Variants in UBE2K observed in about 807,000 individuals in gnomAD.
UBE2K encodes the protein ubiquitin conjugating enzyme E2 K.
UBE2K carries 6 observed loss-of-function variants against 30.0 expected under a neutral mutation model. The ratio of observed to expected loss-of-function variants is 0.20; its 90% CI spans 0.11 to 0.39. The LOEUF is 0.39. Among genes scored for constraint, UBE2K ranks in the 10% least tolerant of loss-of-function variants. The pLI, the probability that UBE2K is intolerant of heterozygous loss-of-function variation, is 1.00. For missense variants in UBE2K, 61 were observed against 241.6 expected (o/e 0.25, Z 4.96); for synonymous variants, 86 against 83.7 (o/e 1.03, Z -0.15).
intron 5 of UBE2K, among the ~76,000 whole-genome samples, chr4:39,777,187 A>T (rs915840442): frequency 6.6e-6 from 1 of 152,208 alleles, no homozygotes; most frequent in African/African-American, 2.4e-5. Flanking sequence ...AGGACTTTGC[A>T]TGTGGGGTTT....
At chr4:39,755,881 C>A in intron 4 of UBE2K, 142 bp downstream of exon 4, 3 of 562,196 alleles carry the variant, frequency 5.3e-6, no homozygotes, top group Non-Finnish European at 9.2e-6. Context: ...AAGTGCATAA[C>A]TGAAAATGCA....
chr4:39,774,800 C>T (rs1210029536), intron 4 of UBE2K, 34 bp from the exon 5 acceptor site: 6 of 1,386,840 alleles, frequency 4.3e-6, no homozygotes, highest in South Asian at 3.4e-5. Flanking sequence ...GCAGAGCCCT[C>T]TTAATTGGGA....
intron 1 of UBE2K, among the ~76,000 whole-genome samples, chr4:39,727,089 T>C (rs1046720625): frequency 1.3e-5 from 2 of 152,234 alleles, no homozygotes; most frequent in African/African-American, 4.8e-5. Context: ...CAGTACATGC[T>C]CAGGTTTCCT....
intron 1 of UBE2K, 59 bp from the exon 2 acceptor site, chr4:39,737,361 A>T: frequency 1.9e-6 from 2 of 1,040,312 alleles, no homozygotes; most frequent in Non-Finnish European, 2.8e-6. Flanking sequence ...TTTATAGGTA[A>T]TACTTTAGGC....
intron 2 of UBE2K, among the ~76,000 whole-genome samples, chr4:39,740,161 A>T (rs939629913): frequency 6.6e-6 from 1 of 151,976 alleles, no homozygotes; most frequent in African/African-American, 2.4e-5. Context: ...GTCAGACCTT[A>T]TAGTTATTCT....
At chr4:39,753,453 C>T (rs1439726580) in intron 3 of UBE2K, among the ~76,000 whole-genome samples, 2 of 152,048 alleles carry the variant, frequency 1.3e-5, no homozygotes, top group Non-Finnish European at 2.9e-5. Context: ...ACATTTTTGC[C>T]GTAATATTAA....
intron 4 of UBE2K, among the ~76,000 whole-genome samples, chr4:39,759,222 TA>T (rs1361717839): frequency 2.4e-4 from 36 of 152,188 alleles, no homozygotes; most frequent in Admixed American, 4.6e-4. Context: ...TTAATGCATC[TA>T]GGGGTGATGA....
chr4:39,704,890 T>TTTA (rs3069986), intron 1 of UBE2K, among the ~76,000 whole-genome samples: 1 of 143,246 alleles, frequency 7.0e-6, no homozygotes, highest in African/African-American at 2.5e-5. Context: ...TTTTTTTTTT[T>TTTA]AGACGGAGTC....
intron 1 of UBE2K, among the ~76,000 whole-genome samples, chr4:39,736,915 A>G (rs1202080030): frequency 6.6e-6 from 1 of 152,208 alleles, no homozygotes; most frequent in Non-Finnish European, 1.5e-5. Flanking sequence ...TGGATAGTGT[A>G]CTATTTCAGT....
intron 4 of UBE2K, chr4:39,770,979 G>T: frequency 6.2e-7 from 1 of 1,602,936 alleles, no homozygotes; most frequent in East Asian, 2.2e-5. Context: ...CTGGAGGGAG[G>T]AGGGACTTGT....
Position 39,698,192 on chromosome 4 carries a change from G to A in UBE2K, c.-136G>A, listed in dbSNP as rs750170073. On this transcript the variant is annotated 5_prime_UTR_variant, in exon 1 of 7. Transcript: ENST00000261427. ...CCACACTGAGGCGAGCGCGGCGGCCGGGGTGGTAGTGGCAGTGTTCGTGTG... is the reference window on the plus strand; with the variant it reads ...CCACACTGAGGCGAGCGCGGCGGCCAGGGTGGTAGTGGCAGTGTTCGTGTG... 1.7e-4 allele frequency: 146 copies of A among 853,164 alleles called. No homozygotes were observed. Among genetic ancestry groups the A allele is most frequent in the Non-Finnish European group, 2.5e-4 (127 of 515,460 alleles). The allele number at this position is 853,164 out of a possible 1,614,324, so 52.8% of individuals were successfully genotyped here.
intron 1 of UBE2K, among the ~76,000 whole-genome samples, chr4:39,699,572 G>T (rs567167283): frequency 6.6e-6 from 1 of 152,238 alleles, no homozygotes; most frequent in East Asian, 1.9e-4. Flanking sequence ...ATGCCAGATT[G>T]TCTTCCCCAC....
intron 2 of UBE2K, among the ~76,000 whole-genome samples, chr4:39,739,975 T>C (rs1037207773): frequency 1.3e-5 from 2 of 152,190 alleles, no homozygotes; most frequent in African/African-American, 4.8e-5. Flanking sequence ...TTTATGCTGT[T>C]TATCGAGTGC....
intron 1 of UBE2K, among the ~76,000 whole-genome samples, chr4:39,734,668 C>G (rs1720259400): frequency 6.6e-6 from 1 of 152,008 alleles, no homozygotes; most frequent in South Asian, 2.1e-4. Context: ...AAACTTTAGC[C>G]AGGCATGGTG....
At chr4:39,715,855 A>G (rs199963739) in intron 1 of UBE2K, among the ~76,000 whole-genome samples, 1 of 92,746 alleles carries the variant, frequency 1.1e-5, no homozygotes, top group Non-Finnish European at 2.2e-5. Flanking sequence ...TTTTTTATTT[A>G]TTTTTTTAAA....
chr4:39,730,185 CTT>C (rs1719990810), intron 1 of UBE2K, among the ~76,000 whole-genome samples: 1 of 151,986 alleles, frequency 6.6e-6, no homozygotes. Flanking sequence ...AAGTCCAGAA[CTT>C]AACTTTTTTT....
rs1713416093 is a variant in UBE2K, at chr4:39,778,572, TG to T, written c.*139del. The T allele has an allele frequency of 4.2e-6, 2 of 477,002 alleles. No homozygotes were observed. Among genetic ancestry groups the T allele is most frequent in the Non-Finnish European group, 7.4e-6 (2 of 271,410 alleles). 29.5% of individuals were successfully genotyped at this position (477,002 alleles called of 1,614,324 possible). A position where few individuals can be genotyped will look rare whatever the true frequency, so the allele number is the denominator to read the frequency against. On this transcript the variant is annotated 3_prime_UTR_variant, in exon 7 of 7. Transcript: ENST00000261427. ...ATGTTATCTAGGCACCATTGGAGAC[TG>T]AAAAAAAAAAATCCCTGCTCTGTAA...
chr4:39,710,812 C>G (rs1180202620), intron 1 of UBE2K, among the ~76,000 whole-genome samples: 1 of 151,932 alleles, frequency 6.6e-6, no homozygotes, highest in African/African-American at 2.4e-5. Flanking sequence ...CTAAGAAATA[C>G]TTTATACTTA....
intron 4 of UBE2K, among the ~76,000 whole-genome samples, chr4:39,764,768 A>G (rs955609260): frequency 4.0e-5 from 6 of 151,894 alleles, no homozygotes; most frequent in African/African-American, 1.5e-4. Flanking sequence ...CAAGTTTCTG[A>G]TTCTTGAAAT....
Sources: gnomAD v4.1 joint callset for allele counts (sites outside exome capture counted in the v4.1 genomes callset) on GRCh38, gnomAD v4.1.1 for gene constraint, MANE v1.5 for transcripts, NCBI Gene and HGNC (gene_info 2026-07-23, HGNC 2026-07-21) for gene names.